PKP3: variants seen among roughly 807,000 people sequenced by gnomAD.
The protein encoded by PKP3 is plakophilin 3, also known as plakophilin-3.
In PKP3, 66 loss-of-function variants were observed where a neutral mutation model predicts 76.5. That is an observed-to-expected ratio of 0.86 (90% CI 0.71 to 1.06). The LOEUF (loss-of-function observed/expected upper bound fraction) is 1.06. PKP3 is among the 50% of genes least tolerant of loss of function. The probability of loss-of-function intolerance (pLI) is 0.00; values close to 1 mark genes in which losing one functional copy is unlikely to be tolerated. For missense variants in PKP3, 1,338 were observed against 1,141.0 expected, an observed-to-expected ratio of 1.17 and a Z score of -2.49; for synonymous variants, 638 against 516.5, an observed-to-expected ratio of 1.24 and a Z score of -3.19.
At position 400,066 on chromosome 11, in the gene PKP3, G is replaced by C; in HGVS notation, c.1373G>C (p.Gly458Ala). Residue 458 changes from glycine to alanine, a missense_variant, in exon 6 of 13, where the codon GGG becomes GCG. Physicochemically the swap from Gly to Ala is moderately conservative, Grantham distance 60. Coordinates refer to ENST00000331563, the MANE Select transcript of PKP3 (RefSeq NM_007183.4). ...GACCTGGTGTTGAGCCCCCTGTCGG[G>C]GGCTGGGGGTCCCCCCCTCATCCAG... ...LTDLVLSPLS[G>A]AGGPPLIQQN... is the part of the protein sequence containing the mutation. 1 of 1,602,970 alleles carries C rather than the reference G, an allele frequency of 6.2e-7. No individual in the cohort carries two copies. Among genetic ancestry groups the C allele is most frequent in the Non-Finnish European group, 8.5e-7 (1 of 1,177,084 alleles).
At position 396,696 on chromosome 11, in the gene PKP3, TG is replaced by T. The variant is rs1554918499; in HGVS notation, c.312+12del. On this transcript the variant is annotated intron_variant, in intron 2 of 12. Coordinates refer to ENST00000331563, the MANE Select transcript of PKP3 (RefSeq NM_007183.4). ...GTGGGGACAAGACCTCGGTGAGCGA[TG>T]GGCCCAGCCCGAGGGGGACGATCTG... The T allele has an allele frequency of 3.7e-6, 6 of 1,607,448 alleles. No individual in the cohort carries two copies. Among genetic ancestry groups the T allele is most frequent in the Non-Finnish European group, 5.1e-6 (6 of 1,176,850 alleles).
chr11:400,204 T>TG, intron 6 of PKP3, 63 bp downstream of exon 6: 1 of 1,435,618 alleles, frequency 7.0e-7, no homozygotes, highest in Non-Finnish European at 9.3e-7. Flanking sequence ...GGACTCCGCC[T>TG]GGCCTGGCGT....
chr11:404,805 A>G lies in PKP3; in HGVS notation c.*236A>G. The G allele has an allele frequency of 1.8e-6, 1 of 566,238 alleles. No individual in the cohort carries two copies. Among genetic ancestry groups the G allele is most frequent in the African/African-American group, 1.9e-5 (1 of 53,212 alleles). The allele number at this position is 566,238 out of a possible 1,614,324, so 35.1% of individuals were successfully genotyped here. A position where few individuals can be genotyped will look rare whatever the true frequency, so the allele number is the denominator to read the frequency against. On this transcript the variant is annotated 3_prime_UTR_variant, in exon 13 of 13. Transcript: ENST00000331563. The surrounding 1 kb of genome is among the most constrained non-coding windows in gnomAD (Gnocchi z 4.2). ...GCAGGGCTCAAGGCTGCTCTGGTGT[A>G]TGGGGTGGTGACCCAGTCACATTGG...
chr11:396,528 C>A, intron 1 of PKP3, 80 bp from the exon 2 acceptor site: 1 of 1,009,428 alleles, frequency 9.9e-7, no homozygotes, highest in Non-Finnish European at 1.5e-6. Context: ...TTGCCAATAG[C>A]GATGGAGTGG....
chr11:400,518 C>A lies in PKP3; in HGVS notation c.1567-17C>A. On this transcript the variant is annotated splice_polypyrimidine_tract_variant and intron_variant, in intron 7 of 12. Transcript: ENST00000331563. The stretch of plus-strand genomic sequence containing the variant: ...GCCGCTCTGACCCGCGCCCCTGCCC[C>A]GCGCCCCCGCCCGCAGAGCGTGGAG... 4.7e-6 allele frequency: 7 copies of A among 1,492,278 alleles called. No individual in the cohort carries two copies. The highest frequency in any genetic ancestry group is 6.2e-6 in the Non-Finnish European group (7 of 1,126,942). 92.4% of individuals were successfully genotyped at this position (1,492,278 alleles called of 1,614,324 possible). A position where few individuals can be genotyped will look rare whatever the true frequency, so the allele number is the denominator to read the frequency against.
In PKP3 at chr11:394,463, G is replaced by T; in HGVS notation, c.171G>T (p.Leu57=). The T allele has an allele frequency of 6.9e-7, 1 of 1,442,860 alleles. No individual in the cohort carries two copies. Among genetic ancestry groups the T allele is most frequent in the Non-Finnish European group, 9.1e-7 (1 of 1,104,822 alleles). The allele number at this position is 1,442,860 out of a possible 1,614,324, so 89.4% of individuals were successfully genotyped here. The change falls in exon 1 of 13, where the codon CTG becomes CTT. Residue 57 remains leucine (L), a synonymous_variant. Transcript: ENST00000331563. ...AGGTCCGCGCCCGCCTCTTGCAGCT[G>T]GGACAGCAGCCGCGGCACAACGGGG... ...QEQVRARLLQ[L]GQQPRHNGAA...
At position 394,998 on chromosome 11, in the gene PKP3, GC is replaced by G. The variant is rs745756798; in HGVS notation, c.232+476del. The stretch of plus-strand genomic sequence containing the variant: ...GCTGGAAGTCCTGGAGGAAAGCCAG[GC>G]CTGTCTGGACCAGGGGCTCCCTGAG... On this transcript the variant is annotated intron_variant, in intron 1 of 12. Transcript: ENST00000331563. 3.7e-4 allele frequency among the ~76,000 whole-genome samples: 57 copies of G among 152,320 alleles called. No homozygotes were observed. The East Asian group carries it at 6.0e-3, about 16-fold the overall frequency.
At chr11:403,915 G>A (rs1297629207) in intron 10 of PKP3, 28 bp from the exon 11 acceptor site, 4 of 1,578,534 alleles carry the variant, frequency 2.5e-6, no homozygotes, top group South Asian at 1.2e-5. Context: ...AGGAGTAGGG[G>A]TGCAGACTGA....
chr11:393,753 A>G (rs1590350527), upstream of PKP3, among the ~76,000 whole-genome samples: 1 of 151,618 alleles, frequency 6.6e-6, no homozygotes, highest in Non-Finnish European at 1.5e-5. Flanking sequence ...CCTCATCCCC[A>G]CCTCACCAGG....
At position 400,540 on chromosome 11, in the gene PKP3, G is replaced by C; in HGVS notation, c.1572G>C (p.Val524=). The C allele has an allele frequency of 6.7e-7, 1 of 1,492,558 alleles. No individual in the cohort carries two copies. The highest frequency in any genetic ancestry group is 8.9e-7 in the Non-Finnish European group (1 of 1,128,316). The allele number at this position is 1,492,558 out of a possible 1,614,324, so 92.5% of individuals were successfully genotyped here. ...LDAGKCEDKS[V]ENAVCVLRNL... is the part of the protein sequence containing the mutation. ...CCCCGCGCCCCCGCCCGCAGAGCGTGGAGAACGCGGTGTGCGTCCTGCGGA... is the reference window on the plus strand; with the variant it reads ...CCCCGCGCCCCCGCCCGCAGAGCGTCGAGAACGCGGTGTGCGTCCTGCGGA... Residue 524 remains valine (V), a synonymous_variant, in exon 8 of 13, where the codon GTG becomes GTC. Transcript: ENST00000331563.
Position 404,026 on chromosome 11 carries a change from A to T in PKP3, c.2161A>T (p.Ile721Phe). ...KSPPAEVLVN[I>F]IAVLNNLVVA... Reference sequence around the variant, plus strand: ...GCCCCCAGCCGAGGTGCTGGTCAACATCATAGCTGTGCTCAACAACCTGGT... The same window carrying T: ...GCCCCCAGCCGAGGTGCTGGTCAACTTCATAGCTGTGCTCAACAACCTGGT... Residue 721 changes from isoleucine to phenylalanine, a missense_variant, in exon 11 of 13, where the codon ATC becomes TTC. Physicochemically the swap from Ile to Phe is conservative, Grantham distance 21. Coordinates refer to ENST00000331563, the MANE Select transcript of PKP3 (RefSeq NM_007183.4). This position sits in a 1 kb window ranked among gnomAD's most constrained non-coding sequence, Gnocchi z 4.2. 1.2e-6 allele frequency: 2 copies of T among 1,612,446 alleles called. No individual in the cohort carries two copies. The highest frequency in any genetic ancestry group is 2.2e-5 in the South Asian group (2 of 91,074).
chr11:403,073 C>A lies in PKP3; in HGVS notation c.1738-5C>A. The A allele has an allele frequency of 2.7e-6, 4 of 1,485,346 alleles. No homozygotes were observed. Among genetic ancestry groups the A allele is most frequent in the Non-Finnish European group, 3.6e-6 (4 of 1,120,498 alleles). 92.0% of individuals were successfully genotyped at this position (1,485,346 alleles called of 1,614,324 possible). ...ACCCCGCCGACTCCTCCCCGCCCTG[C>A]GCAGCTGCCCCTCGCCGCCGATGCG... On this transcript the variant is annotated splice_polypyrimidine_tract_variant and splice_region_variant and intron_variant, in intron 8 of 12. Coordinates refer to ENST00000331563, the MANE Select transcript of PKP3 (RefSeq NM_007183.4).
Position 396,947 on chromosome 11 carries a change from G to T in PKP3, c.446G>T (p.Gly149Val). Reference protein sequence around the residue: ...GGSAFGAAGYGGAQPTPPMPT... With the variant: ...GGSAFGAAGYVGAQPTPPMPT... ...AGCGCCTTTGGGGCCGCTGGGTACG[G>T]GGGTGCCCAGCCCACCCCTCCCATG... The change falls in exon 3 of 13, where the codon GGG becomes GTG. Residue 149 changes from glycine to valine, a missense_variant. Physicochemically the swap from Gly to Val is moderately radical, Grantham distance 109. Coordinates refer to ENST00000331563, the MANE Select transcript of PKP3 (RefSeq NM_007183.4). The T allele has an allele frequency of 6.3e-7, 1 of 1,597,022 alleles. No homozygotes were observed. Among genetic ancestry groups the T allele is most frequent in the East Asian group, 2.2e-5 (1 of 44,706 alleles).
At chr11:392,618 C>G, upstream of PKP3, 1 of 1,283,682 alleles carries the variant, frequency 7.8e-7, no homozygotes, top group Non-Finnish European at 1.0e-6. Context: ...CCGCACGCGC[C>G]GGGCCAGGGA....
chr11:394,157 C>T, upstream of PKP3: 1 of 1,309,048 alleles, frequency 7.6e-7, no homozygotes, highest in Non-Finnish European at 9.8e-7. Context: ...CAGGGCTGGG[C>T]AGGCGTCTGT....
rs909941836 is a variant in PKP3 at position 400,693 on chromosome 11, G to A, written c.1725G>A (p.Arg575=). The A allele has an allele frequency of 3.9e-6, 5 of 1,271,470 alleles. No homozygotes were observed. The highest frequency in any genetic ancestry group is 3.1e-5 in the African/African-American group (2 of 63,546). 78.8% of individuals were successfully genotyped at this position (1,271,470 alleles called of 1,614,324 possible). A position where few individuals can be genotyped will look rare whatever the true frequency, so the allele number is the denominator to read the frequency against. ...EVVGCFTPQS[R]RLRELPLAAD... is the part of the protein sequence containing the mutation. ...TGGGCTGCTTCACGCCGCAGAGCCG[G>A]CGGCTGCGCGAGGTGGGCACCAGCC... Residue 575 remains arginine, a synonymous_variant, in exon 8 of 13, where the codon CGG becomes CGA. Transcript: ENST00000331563.
intron 4 of PKP3, chr11:397,887 C>T (rs962590029): frequency 1.3e-5 from 7 of 546,116 alleles, no homozygotes; most frequent in Non-Finnish European, 2.3e-5. Context: ...TACCTCATCA[C>T]CTCCGTACAC....
chr11:403,135 C>A lies in PKP3; in HGVS notation c.1795C>A (p.Leu599Ile). 6.4e-7 allele frequency: 1 copy of A among 1,573,838 alleles called. No individual in the cohort carries two copies. The highest frequency in any genetic ancestry group is 8.6e-7 in the Non-Finnish European group (1 of 1,161,480). The change falls in exon 9 of 13, where the codon CTC becomes ATC. Residue 599 changes from leucine (L) to isoleucine (I), a missense_variant. Physicochemically the swap from Leu to Ile is conservative, Grantham distance 5. Transcript: ENST00000331563. ...GGAGGTGTCCAAGGACCCCAAGGGC[C>A]TCGAGTGGCTGTGGAGCCCCCAGAT... is the stretch of plus-strand genomic sequence containing the variant. Reference protein sequence around the residue: ...FAEVSKDPKGLEWLWSPQIVG... With the variant: ...FAEVSKDPKGIEWLWSPQIVG...
rs548474077 is a variant in PKP3, at chr11:394,542, C to T, written c.232+18C>T. On this transcript the variant is annotated intron_variant, in intron 1 of 12. Transcript: ENST00000331563. Reference sequence around the variant, plus strand: ...TGCCAGAGGTAGGCGGTGGGGACAGCGGCGGGGATGGCGGTGGCGGGGAGA... The same window carrying T: ...TGCCAGAGGTAGGCGGTGGGGACAGTGGCGGGGATGGCGGTGGCGGGGAGA... The T allele has an allele frequency of 1.5e-5, 20 of 1,360,832 alleles. No individual in the cohort carries two copies. Among genetic ancestry groups the T allele is most frequent in the Middle Eastern group, 2.7e-4 (1 of 3,738 alleles). 84.3% of individuals were successfully genotyped at this position (1,360,832 alleles called of 1,614,324 possible).
Sources: allele counts gnomAD v4.1 joint callset (sites outside exome capture counted in the v4.1 genomes callset), GRCh38; gene constraint gnomAD v4.1.1; non-coding constraint Gnocchi (gnomAD v3.1); transcripts MANE v1.5; gene names NCBI Gene and HGNC (gene_info 2026-07-23, HGNC 2026-07-21).